PPM1L: variants seen among roughly 807,000 people sequenced by gnomAD.
PPM1L encodes protein phosphatase, Mg2+/Mn2+ dependent 1L.
PPM1L carries 13 observed loss-of-function variants against 31.4 expected under a neutral mutation model. The ratio of observed to expected loss-of-function variants is 0.41; its 90% CI spans 0.27 to 0.66. The LOEUF is 0.66. PPM1L is among the 30% of genes least tolerant of loss of function. The pLI, the probability that PPM1L is intolerant of heterozygous loss-of-function variation, is 0.29. For synonymous variants in PPM1L, 184 were observed against 175.4 expected, an observed-to-expected ratio of 1.05 and a Z score of -0.39; for missense variants, 326 against 453.7, an observed-to-expected ratio of 0.72 and a Z score of 2.56.
At chr3:161,035,891 T>C (rs956803540) in intron 2 of PPM1L, 16 of 152,278 alleles carry the variant, frequency 1.1e-4, no homozygotes, top group Non-Finnish European at 2.9e-5. Flanking sequence ...TTCAGCAAGC[T>C]GATTTCAACA....
intron 1 of PPM1L, among the ~76,000 whole-genome samples, chr3:160,834,465 A>ATGTGTGTG (rs1293987142): frequency 8.7e-6 from 1 of 115,420 alleles, no homozygotes; most frequent in Non-Finnish European, 1.7e-5. Context: ...GCATTTGTGT[A>ATGTGTGTG]TGTGTATGTG....
intron 1 of PPM1L, among the ~76,000 whole-genome samples, chr3:160,841,171 CTT>C (rs958449433): frequency 1.4e-5 from 2 of 146,050 alleles, no homozygotes; most frequent in East Asian, 2.0e-4. Context: ...GAGTCCAAGA[CTT>C]TTTTTTTTTA....
intron 2 of PPM1L, among the ~76,000 whole-genome samples, chr3:160,968,386 A>C (rs968104169): frequency 2.6e-5 from 4 of 152,232 alleles, no homozygotes; most frequent in Non-Finnish European, 5.9e-5. Context: ...GCAATGGCAT[A>C]ATTTGAGATG....
At chr3:160,777,323 T>C (rs981472305) in intron 1 of PPM1L, among the ~76,000 whole-genome samples, 13 of 152,012 alleles carry the variant, frequency 8.6e-5, no homozygotes, top group Admixed American at 1.3e-4. Context: ...CTTATCTATA[T>C]AAAAAAATTA....
At chr3:160,840,821 G>A (rs1010115818) in intron 1 of PPM1L, among the ~76,000 whole-genome samples, 5 of 151,954 alleles carry the variant, frequency 3.3e-5, no homozygotes, top group African/African-American at 1.2e-4. Context: ...GAAGGAGAGA[G>A]AGAGAGAAAG....
intron 1 of PPM1L, among the ~76,000 whole-genome samples, chr3:160,849,707 C>A (rs1398065287): frequency 6.6e-6 from 1 of 151,274 alleles, no homozygotes; most frequent in Non-Finnish European, 1.5e-5. Context: ...TACAGGCGCC[C>A]GCCACCACGC....
chr3:161,007,748 TG>T (rs1387888838), intron 2 of PPM1L, among the ~76,000 whole-genome samples: 1 of 152,132 alleles, frequency 6.6e-6, no homozygotes, highest in African/African-American at 2.4e-5. Flanking sequence ...GCCAAAAGAT[TG>T]GACACCCCTG....
chr3:160,833,037 G>A (rs1576659968), intron 1 of PPM1L, among the ~76,000 whole-genome samples: 1 of 152,138 alleles, frequency 6.6e-6, no homozygotes, highest in Non-Finnish European at 1.5e-5. Flanking sequence ...TTCTGTTCCT[G>A]TGTTAGTTTG....
chr3:160,765,130 A>G (rs1364981571), intron 1 of PPM1L, among the ~76,000 whole-genome samples: 1 of 152,234 alleles, frequency 6.6e-6, no homozygotes. Context: ...ATAAGAGTTT[A>G]TGAGGTAGGT....
chr3:161,003,062 G>T (rs1221818396), intron 2 of PPM1L, among the ~76,000 whole-genome samples: 1 of 150,506 alleles, frequency 6.6e-6, no homozygotes, highest in African/African-American at 2.4e-5. Flanking sequence ...CATATGGCTA[G>T]CCAGTTTTCC....
At chr3:160,931,147 C>T (rs946844645) in intron 1 of PPM1L, among the ~76,000 whole-genome samples, 5 of 152,188 alleles carry the variant, frequency 3.3e-5, no homozygotes, top group Non-Finnish European at 4.4e-5. Context: ...ATGAGTTGCT[C>T]AGGCAGCCAG....
chr3:160,843,108 A>T (rs1403388301), intron 1 of PPM1L, among the ~76,000 whole-genome samples: 2 of 152,008 alleles, frequency 1.3e-5, no homozygotes, highest in African/African-American at 2.4e-5. Context: ...AATTGTTTTA[A>T]ATTCCTGGCC....
intron 2 of PPM1L, chr3:161,022,178 AGAC>A (rs1718252844): frequency 1.5e-6 from 1 of 674,742 alleles, no homozygotes; most frequent in African/African-American, 1.8e-5. Context: ...GACTGCTTGG[AGAC>A]TGCAAGTAAC....
chr3:161,064,740 G>A (rs574399916), intron 2 of PPM1L, among the ~76,000 whole-genome samples: 57 of 152,200 alleles, frequency 3.7e-4, no homozygotes, highest in Admixed American at 5.2e-4. Flanking sequence ...AGGCAAGCAC[G>A]TCTTCAATCT....
chr3:160,767,586 A>G (rs554290494), intron 1 of PPM1L, among the ~76,000 whole-genome samples: 1 of 152,296 alleles, frequency 6.6e-6, no homozygotes, highest in East Asian at 1.9e-4. Flanking sequence ...CATGTCAATA[A>G]ACCTTGTGAC....
rs910683273 is a variant in PPM1L, at chr3:160,841,362, G to T, written c.399+84655G>T. On this transcript the variant is annotated intron_variant, in intron 1 of 3. Coordinates refer to ENST00000498165, the MANE Select transcript of PPM1L (RefSeq NM_139245.4). Reference sequence around the variant, plus strand: ...TTTTTTTTTTTTTCAGAGGATTGGAGATTAGATTATAGAGTAATATGGTTT... The same window carrying T: ...TTTTTTTTTTTTTCAGAGGATTGGATATTAGATTATAGAGTAATATGGTTT... 4.0e-5 allele frequency among the ~76,000 whole-genome samples: 6 copies of T among 151,492 alleles called. No individual in the cohort carries two copies. The East Asian group carries it at 1.2e-3, about 29-fold the overall frequency.
chr3:160,776,558 T>G (rs533920870), intron 1 of PPM1L, among the ~76,000 whole-genome samples: 31 of 152,126 alleles, frequency 2.0e-4, no homozygotes, highest in Non-Finnish European at 3.8e-4. Context: ...ACTTACTGTA[T>G]GTCTACTTTC....
intron 1 of PPM1L, among the ~76,000 whole-genome samples, chr3:160,930,044 G>T (rs1260144560): frequency 1.3e-5 from 2 of 152,178 alleles, no homozygotes; most frequent in African/African-American, 4.8e-5. Context: ...TGTGAGAAGG[G>T]GGACACTGTG....
chr3:161,076,497 T>A lies in PPM1L; in HGVS notation c.*7340T>A, dbSNP rs1229463377. The A allele has an allele frequency of 6.6e-6, 1 of 152,250 alleles. No homozygotes were observed. The highest frequency in any genetic ancestry group is 2.4e-5 in the African/African-American group (1 of 41,472). The allele number at this position is 152,250 out of a possible 1,614,324, so 9.4% of individuals were successfully genotyped here. Reference sequence around the variant, plus strand: ...GAAAACCCATAACTTTTGCTTCTATTATAGAAAGCAGTGTTTGTTCTTTTT... The same window carrying A: ...GAAAACCCATAACTTTTGCTTCTATAATAGAAAGCAGTGTTTGTTCTTTTT... On this transcript the variant is annotated 3_prime_UTR_variant, in exon 4 of 4. Transcript: ENST00000498165.
Sources: gnomAD v4.1 joint callset for allele counts (sites outside exome capture counted in the v4.1 genomes callset) on GRCh38, gnomAD v4.1.1 for gene constraint, MANE v1.5 for transcripts, NCBI Gene and HGNC (gene_info 2026-07-23, HGNC 2026-07-21) for gene names.